HMGXB4: variants seen among roughly 807,000 people sequenced by gnomAD.
HMGXB4 encodes HMG domain-containing protein 4.
A neutral mutation model predicts 63.9 loss-of-function variants in HMGXB4; 27 were observed. The ratio of observed to expected loss-of-function variants is 0.42; its 90% CI spans 0.31 to 0.58. HMGXB4 has a LOEUF of 0.58. HMGXB4 is among the 20% of genes least tolerant of loss of function. The pLI, the probability that HMGXB4 is intolerant of heterozygous loss-of-function variation, is 0.13. For missense variants in HMGXB4, 624 were observed against 700.7 expected, an observed-to-expected ratio of 0.89 and a Z score of 1.24; for synonymous variants, 264 against 265.3, an observed-to-expected ratio of 0.99 and a Z score of 0.05.
Position 35,293,629 on chromosome 22 carries a change from C to T in HMGXB4, c.1784C>T (p.Ala595Val). The change falls in exon 11 of 11, where the codon GCT (alanine) becomes GTT (valine). Residue 595 changes from alanine (A) to valine (V), a missense_variant. By Grantham distance (64) the Ala-to-Val change is moderately conservative. Around this residue, in one of 2 missense-constraint regions of HMGXB4, gnomAD observed 152 missense variants for 230.1 expected, o/e 0.66. Transcript: ENST00000216106. ...QVLSNTLDNI[A>V]YIMPGL ...CAGTCAAACACATTAGACAACATTGCTTACATCATGCCGGGACTGTGACAG... is the reference window on the plus strand; with the variant it reads ...CAGTCAAACACATTAGACAACATTGTTTACATCATGCCGGGACTGTGACAG... 1 of 1,612,110 alleles carries T rather than the reference C, an allele frequency of 6.2e-7. No individual in the cohort carries two copies. Among genetic ancestry groups the T allele is most frequent in the Non-Finnish European group, 8.5e-7 (1 of 1,178,142 alleles).
rs1322076264 is a variant in HMGXB4 at position 35,293,782 on chromosome 22, CATAT to C, written c.*139_*142del. ...TTTTATATCTATACATACATATATA[CATAT>C]ATATATAATGTACAATATATACATA... On this transcript the variant is annotated 3_prime_UTR_variant, in exon 11 of 11. Coordinates refer to ENST00000216106, the MANE Select transcript of HMGXB4 (RefSeq NM_001003681.3). The C allele has an allele frequency of 4.5e-5, 23 of 513,364 alleles. No homozygotes were observed. 31.8% of individuals were successfully genotyped at this position (513,364 alleles called of 1,614,324 possible). A position where few individuals can be genotyped will look rare whatever the true frequency, so the allele number is the denominator to read the frequency against.
chr22:35,279,699 T>TTTTG (rs144948164), intron 5 of HMGXB4, among the ~76,000 whole-genome samples: 4,747 of 107,778 alleles, frequency 0.044, 151 homozygotes, highest in Non-Finnish European at 0.069. Flanking sequence ...TTTTTTTTTT[T>TTTTG]GGCATGTGGA....
rs1299800293 is a variant in HMGXB4, at chr22:35,294,372, T to A, written c.*721T>A. ...AGCTGTCAATGCCACCAGTTGGACC[T>A]CCATACATTCTGAGCTAACCCAGAA... On this transcript the variant is annotated 3_prime_UTR_variant, in exon 11 of 11. Transcript: ENST00000216106. The A allele has an allele frequency of 6.6e-6, 1 of 152,632 alleles. No individual in the cohort carries two copies. The highest frequency in any genetic ancestry group is 1.9e-4 in the East Asian group (1 of 5,202). 9.5% of individuals were successfully genotyped at this position (152,632 alleles called of 1,614,324 possible). A position where few individuals can be genotyped will look rare whatever the true frequency, so the allele number is the denominator to read the frequency against.
the HMGXB4 span, among the ~76,000 whole-genome samples, chr22:35,248,400 A>ATTT: frequency 8.1e-6 from 1 of 123,400 alleles, no homozygotes; most frequent in Non-Finnish European, 1.7e-5. Flanking sequence ...GGAGGTCGGG[A>ATTT]CTTTTTTTTT....
the HMGXB4 span, among the ~76,000 whole-genome samples, chr22:35,242,769 C>G: frequency 8.9e-4 from 135 of 151,958 alleles, 1 homozygote; most frequent in African/African-American, 3.0e-3. Flanking sequence ...TATATATTTC[C>G]CTCTCGGCCC....
At chr22:35,252,317 G>A in the HMGXB4 span, among the ~76,000 whole-genome samples, 1 of 152,216 alleles carries the variant, frequency 6.6e-6, no homozygotes, top group African/African-American at 2.4e-5. Flanking sequence ...CTGGTCTCTA[G>A]AACATATGCA....
At chr22:35,292,406 C>T (rs1473440340) in intron 9 of HMGXB4, among the ~76,000 whole-genome samples, 5 of 152,156 alleles carry the variant, frequency 3.3e-5, no homozygotes, top group African/African-American at 4.8e-5. Flanking sequence ...CACACTGCTT[C>T]TAGTTAAAGC....
intron 7 of HMGXB4, 39 bp downstream of exon 7, chr22:35,286,100 C>T (rs1219986676): frequency 2.9e-6 from 4 of 1,394,530 alleles, no homozygotes. Flanking sequence ...TTCAGTGCTT[C>T]TCGCCTTCCA....
intron 5 of HMGXB4, among the ~76,000 whole-genome samples, chr22:35,273,567 G>GCA (rs1923734734): frequency 6.6e-6 from 1 of 152,176 alleles, no homozygotes; most frequent in South Asian, 2.1e-4. Flanking sequence ...TTCTTCAAAA[G>GCA]CACAAAATAT....
chr22:35,288,229 T>C lies in HMGXB4; in HGVS notation c.1469-9T>C. 4.6e-6 allele frequency: 7 copies of C among 1,510,854 alleles called. No individual in the cohort carries two copies. Among genetic ancestry groups the C allele is most frequent in the Non-Finnish European group, 6.2e-6 (7 of 1,125,654 alleles). 93.6% of individuals were successfully genotyped at this position (1,510,854 alleles called of 1,614,324 possible). A position where few individuals can be genotyped will look rare whatever the true frequency, so the allele number is the denominator to read the frequency against. On this transcript the variant is annotated splice_polypyrimidine_tract_variant and intron_variant, in intron 8 of 10. Transcript: ENST00000216106. ...GTTTTACCTGTCTGCCTCATTGCTC[T>C]GTTCTCAGCCTCTTCTGTAGGAGTA...
chr22:35,245,285 T>G, the HMGXB4 span, among the ~76,000 whole-genome samples: 1 of 151,668 alleles, frequency 6.6e-6, no homozygotes, highest in East Asian at 1.9e-4. Flanking sequence ...TTAGCTCTTC[T>G]ATATATTATT....
In HMGXB4 at chr22:35,293,713, CTG is replaced by C; in HGVS notation, c.*64_*65del. 4 of 1,293,074 alleles carry C rather than the reference CTG, an allele frequency of 3.1e-6. No homozygotes were observed. The highest frequency in any genetic ancestry group is 4.5e-6 in the Non-Finnish European group (4 of 894,002). The allele number at this position is 1,293,074 out of a possible 1,614,324, so 80.1% of individuals were successfully genotyped here. ...CCATTGCTGGTTTGTGTATATATGA[CTG>C]TTGCAGATTCCTTCAGTGGCCTCTG... is the stretch of plus-strand genomic sequence containing the variant. On this transcript the variant is annotated 3_prime_UTR_variant, in exon 11 of 11. Transcript: ENST00000216106.
At chr22:35,286,342 TA>T (rs990489352) in intron 7 of HMGXB4, among the ~76,000 whole-genome samples, 2 of 152,180 alleles carry the variant, frequency 1.3e-5, no homozygotes, top group African/African-American at 4.8e-5. Flanking sequence ...ATTAAAGTGT[TA>T]AAAGAAAGTC....
chr22:35,264,171 G>A (rs1923044437), intron 4 of HMGXB4: 8 of 891,658 alleles, frequency 9.0e-6, no homozygotes, highest in African/African-American at 3.3e-5. Context: ...TTTGCCATAC[G>A]TAGTCCTCTG....
chr22:35,294,364 G>C lies in HMGXB4; in HGVS notation c.*713G>C, dbSNP rs980334853. 6.6e-6 allele frequency: 1 copy of C among 152,648 alleles called. No homozygotes were observed. Among genetic ancestry groups the C allele is most frequent in the Non-Finnish European group, 1.5e-5 (1 of 68,044 alleles). 9.5% of individuals were successfully genotyped at this position (152,648 alleles called of 1,614,324 possible). The stretch of plus-strand genomic sequence containing the variant: ...GGGGGTGAAGCTGTCAATGCCACCA[G>C]TTGGACCTCCATACATTCTGAGCTA... On this transcript the variant is annotated 3_prime_UTR_variant, in exon 11 of 11. Transcript: ENST00000216106.
At chr22:35,245,375 T>C in the HMGXB4 span, among the ~76,000 whole-genome samples, 1 of 147,120 alleles carries the variant, frequency 6.8e-6, no homozygotes, top group South Asian at 2.1e-4. Flanking sequence ...CTTTTTATAA[T>C]ATTTTGTATT....
In HMGXB4 at chr22:35,294,622, T is replaced by C. The variant is rs1188453231; in HGVS notation, c.*971T>C. The C allele has an allele frequency of 6.6e-6, 1 of 152,604 alleles. No individual in the cohort carries two copies. The highest frequency in any genetic ancestry group is 1.9e-4 in the East Asian group (1 of 5,194). 9.5% of individuals were successfully genotyped at this position (152,604 alleles called of 1,614,324 possible). A position where few individuals can be genotyped will look rare whatever the true frequency, so the allele number is the denominator to read the frequency against. On this transcript the variant is annotated 3_prime_UTR_variant, in exon 11 of 11. Transcript: ENST00000216106. ...AAACAAAACAAAACTCACTCTCTTGTAGGTTTATTTATGTGTGTGTGAATG... is the reference window on the plus strand; with the variant it reads ...AAACAAAACAAAACTCACTCTCTTGCAGGTTTATTTATGTGTGTGTGAATG...
upstream of HMGXB4, among the ~76,000 whole-genome samples, chr22:35,256,984 T>C (rs757153076): frequency 2.0e-5 from 3 of 152,250 alleles, no homozygotes; most frequent in Admixed American, 1.3e-4. Flanking sequence ...TTACTGTACA[T>C]TGTTACAAAG....
chr22:35,245,329 A>ATTT, the HMGXB4 span, among the ~76,000 whole-genome samples: 951 of 119,568 alleles, frequency 8.0e-3, 7 homozygotes, highest in African/African-American at 0.025. Context: ...GAAACTTTCT[A>ATTT]TTTTTTTTTT....
Sources: gnomAD v4.1 joint callset for allele counts (sites outside exome capture counted in the v4.1 genomes callset) on GRCh38, gnomAD v4.1.1 for gene constraint, gnomAD v4.1.1 regional missense constraint, MANE v1.5 for transcripts, NCBI Gene and HGNC (gene_info 2026-07-23, HGNC 2026-07-21) for gene names.